JAZF1: variants seen among roughly 807,000 people sequenced by gnomAD.
The protein encoded by JAZF1 is JAZF zinc finger 1.
JAZF1 carries 8 observed loss-of-function variants against 26.4 expected under a neutral mutation model. The ratio of observed to expected loss-of-function variants is 0.30; its 90% CI spans 0.18 to 0.55. The LOEUF is 0.55. JAZF1 is among the 20% of genes least tolerant of loss of function. The probability of loss-of-function intolerance (pLI) is 0.94; values close to 1 mark genes in which losing one functional copy is unlikely to be tolerated. For missense variants in JAZF1, 199 were observed against 322.0 expected (o/e 0.62, Z 2.92); for synonymous variants, 126 against 122.3 (o/e 1.03, Z -0.20).
In JAZF1 at chr7:27,868,658, T is replaced by C. The variant is rs530999947; in HGVS notation, c.385+26562A>G. Among the ~76,000 whole-genome samples, 911 of 152,308 alleles carry C rather than the reference T, an allele frequency of 6.0e-3. 4 individuals carry two copies. Among genetic ancestry groups the C allele is most frequent in the Non-Finnish European group, 9.6e-3 (656 of 68,028 alleles). ...CAGATTTCCCTGTTGCTGTGACTTA[T>C]AAGCATTAACTCTGGCAGTGAGAGG... is the stretch of plus-strand genomic sequence containing the variant. On this transcript the variant is annotated intron_variant, in intron 3 of 4. Coordinates refer to ENST00000283928, the MANE Select transcript of JAZF1 (RefSeq NM_175061.4).
intron 2 of JAZF1, among the ~76,000 whole-genome samples, chr7:27,931,125 A>G (rs1259740487): frequency 1.3e-5 from 2 of 152,228 alleles, no homozygotes; most frequent in African/African-American, 2.4e-5. Flanking sequence ...CATGTAGAGC[A>G]TGGGTTAGCA....
At chr7:28,100,181 C>T (rs917037188) in intron 1 of JAZF1, among the ~76,000 whole-genome samples, 2 of 152,110 alleles carry the variant, frequency 1.3e-5, no homozygotes, top group African/African-American at 4.8e-5. Flanking sequence ...ACCCATCAGC[C>T]TTAATAAATG....
At chr7:27,916,573 C>T (rs1315106521) in intron 2 of JAZF1, among the ~76,000 whole-genome samples, 1 of 152,192 alleles carries the variant, frequency 6.6e-6, no homozygotes, top group East Asian at 1.9e-4. Context: ...CTGGTGTAAA[C>T]TTACCTGACA....
chr7:28,071,744 G>A, intron 1 of JAZF1: 1 of 436,420 alleles, frequency 2.3e-6, no homozygotes, highest in Non-Finnish European at 4.7e-6. Context: ...AACATGGAAG[G>A]ACACATCTGT....
At chr7:27,971,381 C>T (rs1314212657) in intron 2 of JAZF1, among the ~76,000 whole-genome samples, 1 of 152,166 alleles carries the variant, frequency 6.6e-6, no homozygotes, top group Non-Finnish European at 1.5e-5. Context: ...TGCTTTGAGC[C>T]AACGGGCAAG....
chr7:28,079,998 TAA>T (rs151261309), intron 1 of JAZF1, among the ~76,000 whole-genome samples: 4,342 of 152,332 alleles, frequency 0.029, 234 homozygotes, highest in East Asian at 0.26. Flanking sequence ...CTGTAGTCTA[TAA>T]AGTGTGCAAT....
chr7:28,032,309 T>C (rs747166934), intron 1 of JAZF1, among the ~76,000 whole-genome samples: 1 of 152,014 alleles, frequency 6.6e-6, no homozygotes, highest in Non-Finnish European at 1.5e-5. Context: ...GGACAGAAAA[T>C]ATGGACTCTG....
At chr7:28,076,234 GC>G (rs917451685) in intron 1 of JAZF1, among the ~76,000 whole-genome samples, 1 of 152,196 alleles carries the variant, frequency 6.6e-6, no homozygotes, top group African/African-American at 2.4e-5. Context: ...TATTTCAACG[GC>G]CCAGAGCAAA....
intron 2 of JAZF1, among the ~76,000 whole-genome samples, chr7:27,920,101 C>T (rs1784504024): frequency 6.6e-6 from 1 of 152,116 alleles, no homozygotes; most frequent in Admixed American, 6.5e-5. Context: ...TTGTAAGGTA[C>T]ATCCAATATT....
At chr7:28,130,186 C>T (rs1469237581) in intron 1 of JAZF1, among the ~76,000 whole-genome samples, 1 of 152,124 alleles carries the variant, frequency 6.6e-6, no homozygotes, top group Admixed American at 6.6e-5. Context: ...CTGGAGGCCT[C>T]TGGATACATC....
At chr7:27,930,382 TATAAA>T (rs1784670760) in intron 2 of JAZF1, among the ~76,000 whole-genome samples, 1 of 152,178 alleles carries the variant, frequency 6.6e-6, no homozygotes, top group Non-Finnish European at 1.5e-5. Context: ...TACATGAAAA[TATAAA>T]GAAAATGGCT....
At chr7:27,881,632 G>A (rs188316593) in intron 3 of JAZF1, among the ~76,000 whole-genome samples, 5 of 152,238 alleles carry the variant, frequency 3.3e-5, no homozygotes, top group Non-Finnish European at 1.5e-5. Flanking sequence ...TGGGAGTCAC[G>A]ATCATGTCTC....
At chr7:27,883,074 G>A (rs1051671391) in intron 3 of JAZF1, among the ~76,000 whole-genome samples, 1 of 152,226 alleles carries the variant, frequency 6.6e-6, no homozygotes, top group African/African-American at 2.4e-5. Flanking sequence ...TTACTGAGAA[G>A]TGTGCACTGA....
chr7:28,058,013 T>C (rs578076598), intron 1 of JAZF1, among the ~76,000 whole-genome samples: 86 of 152,332 alleles, frequency 5.6e-4, no homozygotes, highest in African/African-American at 1.9e-3. Context: ...TTTTTCTAAC[T>C]GAGGCTGGAT....
At chr7:27,976,699 G>GAA (rs57949732) in intron 2 of JAZF1, among the ~76,000 whole-genome samples, 18 of 145,908 alleles carry the variant, frequency 1.2e-4, no homozygotes, top group Admixed American at 4.8e-4. Flanking sequence ...GTGGTTTCAT[G>GAA]AAAAAAAAAA....
chr7:27,868,136 C>A (rs1783511976), intron 3 of JAZF1, among the ~76,000 whole-genome samples: 1 of 152,226 alleles, frequency 6.6e-6, no homozygotes, highest in African/African-American at 2.4e-5. Context: ...TCAGTGCCTG[C>A]CATACTGTCA....
intron 2 of JAZF1, among the ~76,000 whole-genome samples, chr7:27,950,090 G>A (rs1234924027): frequency 2.0e-5 from 3 of 152,166 alleles, no homozygotes; most frequent in South Asian, 2.1e-4. Flanking sequence ...TGGCATCATT[G>A]AGCTTTGCAC....
chr7:27,946,239 T>C (rs1275655349), intron 2 of JAZF1, among the ~76,000 whole-genome samples: 1 of 152,218 alleles, frequency 6.6e-6, no homozygotes, highest in African/African-American at 2.4e-5. Context: ...TGTATTTGGA[T>C]ATCCAGGAGA....
intron 1 of JAZF1, among the ~76,000 whole-genome samples, chr7:28,004,093 A>T (rs1014117359): frequency 1.3e-5 from 2 of 152,168 alleles, no homozygotes; most frequent in African/African-American, 4.8e-5. Flanking sequence ...ATCTAAGAAT[A>T]ATCTAGTGTA....
Sources: allele counts gnomAD v4.1 joint callset (sites outside exome capture counted in the v4.1 genomes callset), GRCh38; gene constraint gnomAD v4.1.1; transcripts MANE v1.5; gene names NCBI Gene and HGNC (gene_info 2026-07-23, HGNC 2026-07-21).